PBRM1: variants seen among roughly 807,000 people sequenced by gnomAD.
PBRM1 encodes polybromo 1.
PBRM1 carries 27 observed loss-of-function variants against 194.5 expected under a neutral mutation model. That is an observed-to-expected ratio of 0.14 (90% confidence interval 0.10 to 0.19). The LOEUF (loss-of-function observed/expected upper bound fraction) is 0.19, where lower values mean the gene tolerates loss of function less well. Among genes scored for constraint, PBRM1 ranks in the 10% least tolerant of loss-of-function variants. The probability of loss-of-function intolerance (pLI) is 1.00; values close to 1 mark genes in which losing one functional copy is unlikely to be tolerated. For synonymous variants in PBRM1, 655 were observed against 693.2 expected, an observed-to-expected ratio of 0.94 and a Z score of 0.87; for missense variants, 1,466 against 2,077.2, an observed-to-expected ratio of 0.71 and a Z score of 5.72.
rs368529279 is a variant in PBRM1, at chr3:52,627,257, T to A, written c.1541+16A>T. 2 of 1,419,270 alleles carry A rather than the reference T, an allele frequency of 1.4e-6. No homozygotes were observed. The highest frequency in any genetic ancestry group is 2.8e-5 in the African/African-American group (2 of 71,034). The allele number at this position is 1,419,270 out of a possible 1,614,324, so 87.9% of individuals were successfully genotyped here. On this transcript the variant is annotated intron_variant, in intron 13 of 29. Transcript: ENST00000296302. ...ACAGGAACTGAGATGTCCCCAGCTATAAGAAGAGTATATACCTTTTTCTTT... is the reference window on the plus strand; with the variant it reads ...ACAGGAACTGAGATGTCCCCAGCTAAAAGAAGAGTATATACCTTTTTCTTT...
At chr3:52,603,870 G>A (rs943948647) in intron 16 of PBRM1, 138 bp from the exon 19 acceptor site, 38 of 805,950 alleles carry the variant, frequency 4.7e-5, no homozygotes, top group Middle Eastern at 3.7e-4. Flanking sequence ...GTATCTTTCC[G>A]AAGTTTGTTA....
At chr3:52,589,147 T>A in exon 18 of PBRM1, 1 of 1,613,146 alleles carries the variant, frequency 6.2e-7, no homozygotes. Context: ...CACATAGACG[T>A]AATCTCCAAC....
At chr3:52,556,048 C>T (rs1330068365) in intron 26 of PBRM1, among the ~76,000 whole-genome samples, 1 of 152,090 alleles carries the variant, frequency 6.6e-6, no homozygotes. Context: ...GGGACTGGTG[C>T]CAAACCTCAT....
At chr3:52,648,758 A>C (rs2096400336) in intron 6 of PBRM1, among the ~76,000 whole-genome samples, 1 of 152,250 alleles carries the variant, frequency 6.6e-6, no homozygotes, top group African/African-American at 2.4e-5. Context: ...TGCCAAGCAC[A>C]GTTCTAAGTG....
At chr3:52,572,840 G>A (rs957411303) in intron 22 of PBRM1, among the ~76,000 whole-genome samples, 2 of 123,692 alleles carry the variant, frequency 1.6e-5, no homozygotes, top group African/African-American at 5.8e-5. Context: ...ACAAAAAAGT[G>A]CAAAATATGA....
chr3:52,656,238 C>T (rs1046080150), intron 5 of PBRM1, among the ~76,000 whole-genome samples: 1 of 152,040 alleles, frequency 6.6e-6, no homozygotes, highest in African/African-American at 2.4e-5. Context: ...TTTTTTCAGG[C>T]AGAAGAGTAC....
At chr3:52,581,365 C>A (rs1340493856) in intron 20 of PBRM1, among the ~76,000 whole-genome samples, 1 of 152,022 alleles carries the variant, frequency 6.6e-6, no homozygotes, top group Non-Finnish European at 1.5e-5. Context: ...CAAAAATTAG[C>A]CAGGCATGAT....
chr3:52,561,867 C>G (rs2153491645), exon 25 of PBRM1: 2 of 1,614,140 alleles, frequency 1.2e-6, no homozygotes, highest in Non-Finnish European at 1.7e-6. Context: ...GGGCCTTAAT[C>G]ACAGCCCTCA....
At position 52,579,044 on chromosome 3, in the gene PBRM1, T is replaced by C. The variant is rs1247947124; in HGVS notation, c.3533+10A>G. 3 of 1,613,756 alleles carry C rather than the reference T, an allele frequency of 1.9e-6. No individual in the cohort carries two copies. Among genetic ancestry groups the C allele is most frequent in the Non-Finnish European group, 2.5e-6 (3 of 1,179,756 alleles). ...TTCAACCTCATCTTCCCTAATTCAA[T>C]GACACTCACCTGCCCACACGAGGAC... is the stretch of plus-strand genomic sequence containing the variant. On this transcript the variant is annotated intron_variant, in intron 21 of 29. Transcript: ENST00000296302.
chr3:52,572,528 C>T (rs748379287), intron 22 of PBRM1, among the ~76,000 whole-genome samples: 2 of 152,160 alleles, frequency 1.3e-5, no homozygotes, highest in Non-Finnish European at 2.9e-5. Context: ...TGCACCACCA[C>T]AGCTGGCTAA....
intron 13 of PBRM1, among the ~76,000 whole-genome samples, chr3:52,617,742 A>C (rs750379997): frequency 1.6e-4 from 25 of 152,226 alleles, no homozygotes; most frequent in Non-Finnish European, 3.1e-4. Context: ...AAACACAGTA[A>C]TTCTGGCAGG....
At chr3:52,587,691 T>A (rs930226203) in intron 18 of PBRM1, among the ~76,000 whole-genome samples, 181 bp from the exon 21 acceptor site, 3 of 151,014 alleles carry the variant, frequency 2.0e-5, no homozygotes, top group Non-Finnish European at 2.9e-5. Context: ...ACTACAAGTA[T>A]AAGTCACTGT....
chr3:52,678,675 C>T (rs2097154240), intron 1 of PBRM1, 78 bp from the exon 3 acceptor site: 2 of 867,854 alleles, frequency 2.3e-6, no homozygotes, highest in South Asian at 1.5e-5. Context: ...TTATTTTCTA[C>T]TCTTCAATAA....
intron 17 of PBRM1, among the ~76,000 whole-genome samples, chr3:52,594,535 T>C (rs2093388669): frequency 6.6e-6 from 1 of 152,238 alleles, no homozygotes; most frequent in South Asian, 2.1e-4. Flanking sequence ...TGCTTATTTA[T>C]CCAGCTTGCC....
chr3:52,607,943 A>G (rs1158282106), intron 16 of PBRM1, among the ~76,000 whole-genome samples: 1 of 152,128 alleles, frequency 6.6e-6, no homozygotes, highest in East Asian at 1.9e-4. Flanking sequence ...TTCATTTCCT[A>G]ACTCCATTTC....
At chr3:52,575,703 C>T (rs376202154) in intron 22 of PBRM1, among the ~76,000 whole-genome samples, 4 of 129,892 alleles carry the variant, frequency 3.1e-5, no homozygotes, top group African/African-American at 1.2e-4. Context: ...TTAGCAGAGA[C>T]AAGGTTTCAC....
At chr3:52,566,460 T>C (rs1404889389) in intron 22 of PBRM1, among the ~76,000 whole-genome samples, 1 of 152,188 alleles carries the variant, frequency 6.6e-6, no homozygotes, top group East Asian at 1.9e-4. Context: ...GTAGTATACA[T>C]ATAATGGAAT....
At chr3:52,572,587 G>A (rs1022972077) in intron 22 of PBRM1, among the ~76,000 whole-genome samples, 8 of 152,156 alleles carry the variant, frequency 5.3e-5, no homozygotes, top group African/African-American at 1.9e-4. Context: ...TGTTGGCCAG[G>A]CTGGTCTTGA....
At chr3:52,564,184 A>C in exon 23 of PBRM1, 6 of 1,613,898 alleles carry the variant, frequency 3.7e-6, no homozygotes, top group Non-Finnish European at 5.1e-6. Context: ...CTGGTATTTC[A>C]GTTGGCCTGC....
Sources: gnomAD v4.1 joint callset for allele counts (sites outside exome capture counted in the v4.1 genomes callset) on GRCh38, gnomAD v4.1.1 for gene constraint, MANE v1.5 for transcripts, NCBI Gene and HGNC (gene_info 2026-07-23, HGNC 2026-07-21) for gene names.